ZFYVE16: variants seen among roughly 807,000 people sequenced by gnomAD.
ZFYVE16 encodes the protein zinc finger FYVE-type containing 16.
ZFYVE16 carries 89 observed loss-of-function variants against 138.1 expected under a neutral mutation model. The observed-to-expected ratio is 0.64, with a 90% CI of 0.54 to 0.77. The LOEUF (loss-of-function observed/expected upper bound fraction) is 0.77. Ranked by LOEUF, ZFYVE16 falls within the 30% of genes least tolerant of loss-of-function variation. The probability of loss-of-function intolerance (pLI) is 0.00; values close to 1 mark genes in which losing one functional copy is unlikely to be tolerated. For synonymous variants in ZFYVE16, 596 were observed against 618.3 expected, an observed-to-expected ratio of 0.96 and a Z score of 0.53; for missense variants, 1,793 against 1,786.7, an observed-to-expected ratio of 1.00 and a Z score of -0.06.
Position 80,455,684 on chromosome 5 carries a change from A to AT in ZFYVE16, c.3608-7dup. 6.2e-7 allele frequency: 1 copy of AT among 1,605,866 alleles called. No homozygotes were observed. On this transcript the variant is annotated splice_region_variant and splice_polypyrimidine_tract_variant and intron_variant, in intron 11 of 18. Transcript: ENST00000505560. Reference sequence around the variant, plus strand: ...TGATAGTAACCAGTTTTCCTTTCTTATGTATAGCATATCCTGCTCCTCTAA... The same window carrying AT: ...TGATAGTAACCAGTTTTCCTTTCTTATTGTATAGCATATCCTGCTCCTCTAA...
intron 5 of ZFYVE16, chr5:80,440,619 T>C (rs564663366): frequency 2.0e-6 from 2 of 984,374 alleles, no homozygotes; most frequent in East Asian, 2.3e-4. Context: ...TTAGCTACAA[T>C]TATTAGCAAT....
chr5:80,438,346 T>G lies in ZFYVE16; in HGVS notation c.1661T>G (p.Val554Gly). The G allele has an allele frequency of 6.2e-7, 1 of 1,613,574 alleles. No individual in the cohort carries two copies. The highest frequency in any genetic ancestry group is 8.5e-7 in the Non-Finnish European group (1 of 1,179,854). The stretch of plus-strand genomic sequence containing the variant: ...AACATAAAGTCTTTTGAAGAAAATG[T>G]AAATGACTCTAAATCGCAAATGAAT... ...TTNIKSFEEN[V>G]NDSKSQMNQI... The change falls in exon 4 of 19, where the codon GTA becomes GGA. Residue 554 changes from valine to glycine, a missense_variant. Around this residue, in one of 2 missense-constraint regions of ZFYVE16, gnomAD observed 1,295 missense variants for 1,204.3 expected, o/e 1.08. Transcript: ENST00000505560.
rs761045997 is a variant in ZFYVE16 at position 80,438,397 on chromosome 5, A to G, written c.1712A>G (p.Asp571Gly). Residue 571 changes from aspartate (D) to glycine (G), a missense_variant, in exon 4 of 19, where the codon GAT becomes GGT. Coordinates refer to ENST00000505560, the MANE Select transcript of ZFYVE16 (RefSeq NM_001284236.3). The stretch of plus-strand genomic sequence containing the variant: ...CAGATAGATATGAAAGGCTTAGATG[A>G]TGGAAACATCAATAATATATATTTC... ...MNQIDMKGLD[D>G]GNINNIYFNA... 1 of 1,613,978 alleles carries G rather than the reference A, an allele frequency of 6.2e-7. No homozygotes were observed.
At chr5:80,476,743 C>G (rs1227896901) in intron 18 of ZFYVE16, among the ~76,000 whole-genome samples, 1 of 152,320 alleles carries the variant, frequency 6.6e-6, no homozygotes, top group East Asian at 1.9e-4. Flanking sequence ...TAAAAGTCCT[C>G]TTTTCAAGGA....
At position 80,451,600 on chromosome 5, in the gene ZFYVE16, A is replaced by G; in HGVS notation, c.3498A>G (p.Ser1166=). The change falls in exon 11 of 19, where the codon TCA becomes TCG. Residue 1166 remains serine (S), a synonymous_variant. Transcript: ENST00000505560. Reference sequence around the variant, plus strand: ...CTTTTCAGAAACTTGATGATCTCTCATTACCAAGTAATCCTTTTCTTTGTG... The same window carrying G: ...CTTTTCAGAAACTTGATGATCTCTCGTTACCAAGTAATCCTTTTCTTTGTG... ...TPTFQKLDDL[S]LPSNPFLCGI... is the part of the protein sequence containing the mutation. 6.2e-7 allele frequency: 1 copy of G among 1,613,894 alleles called. No individual in the cohort carries two copies. Among genetic ancestry groups the G allele is most frequent in the South Asian group, 1.1e-5 (1 of 91,076 alleles).
chr5:80,461,598 G>A (rs926690119), intron 15 of ZFYVE16, among the ~76,000 whole-genome samples: 1 of 152,180 alleles, frequency 6.6e-6, no homozygotes, highest in Non-Finnish European at 1.5e-5. Flanking sequence ...TTGGTTTCTG[G>A]TAAGGCTTGT....
chr5:80,460,390 G>A (rs1028109263), intron 15 of ZFYVE16, among the ~76,000 whole-genome samples: 6 of 151,818 alleles, frequency 4.0e-5, no homozygotes, highest in South Asian at 2.1e-4. Context: ...CTCCTCTCCC[G>A]TTTTTAGTGT....
Position 80,443,223 on chromosome 5 carries a change from A to G in ZFYVE16, c.2520A>G (p.Thr840=). The G allele has an allele frequency of 1.2e-6, 2 of 1,611,216 alleles. No individual in the cohort carries two copies. Among genetic ancestry groups the G allele is most frequent in the Non-Finnish European group, 1.7e-6 (2 of 1,179,318 alleles). Residue 840 remains threonine, a synonymous_variant, in exon 6 of 19, where the codon ACA becomes ACG. Transcript: ENST00000505560. ...TCCAGCCTCCTCAGGAGAACCAAACATCCAGTATACCTTCACCAGCAACTT... is the reference window on the plus strand; with the variant it reads ...TCCAGCCTCCTCAGGAGAACCAAACGTCCAGTATACCTTCACCAGCAACTT... ...TTVQPPQENQ[T]SSIPSPATLP...
At chr5:80,413,288 A>T (rs1745715870) in intron 1 of ZFYVE16, among the ~76,000 whole-genome samples, 1 of 152,120 alleles carries the variant, frequency 6.6e-6, no homozygotes, top group Non-Finnish European at 1.5e-5. Flanking sequence ...CCTGACCAAT[A>T]TGGAGAAACC....
chr5:80,455,556 C>T (rs1752440430), intron 11 of ZFYVE16, 136 bp from the exon 12 acceptor site: 3 of 733,900 alleles, frequency 4.1e-6, no homozygotes, highest in East Asian at 3.0e-5. Flanking sequence ...AAAATTATCT[C>T]TCACTTTCCC....
At chr5:80,431,860 A>C (rs958756647) in intron 2 of ZFYVE16, among the ~76,000 whole-genome samples, 1 of 152,228 alleles carries the variant, frequency 6.6e-6, no homozygotes, top group Admixed American at 6.5e-5. Flanking sequence ...TAAAATACCT[A>C]GGAATCCAAC....
rs1755040178 is a variant in ZFYVE16, at chr5:80,477,619, ATTTCT to A, written c.*246_*250del. The A allele has an allele frequency of 6.4e-6, 2 of 313,686 alleles. No homozygotes were observed. Among genetic ancestry groups the A allele is most frequent in the East Asian group, 6.0e-5 (1 of 16,586 alleles). 19.4% of individuals were successfully genotyped at this position (313,686 alleles called of 1,614,324 possible). ...TAATTTAAGTACTAAAAAGACAAGG[ATTTCT>A]TTTAAGAAATTTATAGCATTTACTG... is the stretch of plus-strand genomic sequence containing the variant. On this transcript the variant is annotated 3_prime_UTR_variant, in exon 19 of 19. Transcript: ENST00000505560.
chr5:80,459,116 C>T (rs932059180), intron 14 of ZFYVE16, among the ~76,000 whole-genome samples: 13 of 152,048 alleles, frequency 8.5e-5, no homozygotes, highest in Non-Finnish European at 1.6e-4. Context: ...TTAGTAGAGA[C>T]GAGGTTTCAC....
chr5:80,474,138 T>G (rs922050003), intron 17 of ZFYVE16, among the ~76,000 whole-genome samples: 25 of 152,206 alleles, frequency 1.6e-4, no homozygotes, highest in African/African-American at 5.8e-4. Flanking sequence ...ATTTTCATTT[T>G]CCTCAGATTT....
chr5:80,432,190 C>CAAGG (rs1204603626), intron 2 of ZFYVE16, among the ~76,000 whole-genome samples: 1 of 152,154 alleles, frequency 6.6e-6, no homozygotes, highest in East Asian at 1.9e-4. Flanking sequence ...AACTATACTA[C>CAAGG]AAGGCTACAG....
At position 80,479,777 on chromosome 5, in the gene ZFYVE16, G is replaced by T. The variant is rs1405531100; in HGVS notation, c.*2400G>T. On this transcript the variant is annotated 3_prime_UTR_variant, in exon 19 of 19. Coordinates refer to ENST00000505560, the MANE Select transcript of ZFYVE16 (RefSeq NM_001284236.3). ...TACTCTGACAACCTTATGAGTGAGGGGGACAGAAATTAAAGTTCAGGGCCC... is the reference window on the plus strand; with the variant it reads ...TACTCTGACAACCTTATGAGTGAGGTGGACAGAAATTAAAGTTCAGGGCCC... Among the ~76,000 whole-genome samples the T allele has an allele frequency of 6.6e-6, 1 of 152,166 alleles. No homozygotes were observed. The highest frequency in any genetic ancestry group is 1.5e-5 in the Non-Finnish European group (1 of 68,016).
intron 10 of ZFYVE16, 42 bp from the exon 11 acceptor site, chr5:80,451,443 C>A: frequency 1.3e-6 from 2 of 1,499,586 alleles, no homozygotes; most frequent in Non-Finnish European, 1.8e-6. Flanking sequence ...AAAACAATAA[C>A]AAAACAACTT....
chr5:80,427,917 A>G (rs1290233666), intron 2 of ZFYVE16, among the ~76,000 whole-genome samples: 1 of 148,832 alleles, frequency 6.7e-6, no homozygotes, highest in East Asian at 2.0e-4. Flanking sequence ...GGTTGCAGTG[A>G]GCCAAGACAG....
Position 80,456,925 on chromosome 5 carries a change from T to C in ZFYVE16, c.3796-20T>C. The C allele has an allele frequency of 6.3e-7, 1 of 1,579,226 alleles. No homozygotes were observed. On this transcript the variant is annotated intron_variant, in intron 13 of 18. Coordinates refer to ENST00000505560, the MANE Select transcript of ZFYVE16 (RefSeq NM_001284236.3). ...TAAAAGTGTTTCTAAATAAATGTTG[T>C]TGTTTTTGTTTTTTTCCAGGTAATG...
Sources: allele counts gnomAD v4.1 joint callset (sites outside exome capture counted in the v4.1 genomes callset), GRCh38; gene constraint gnomAD v4.1.1; regional missense constraint gnomAD v4.1.1; transcripts MANE v1.5; gene names NCBI Gene and HGNC (gene_info 2026-07-23, HGNC 2026-07-21).